Variants in SETDB2 observed in about 807,000 individuals in gnomAD.
The protein encoded by SETDB2 is histone-lysine N-methyltransferase SETDB2.
SETDB2 carries 56 observed loss-of-function variants against 82.5 expected under a neutral mutation model. The observed-to-expected ratio is 0.68, with a 90% confidence interval of 0.55 to 0.85. The LOEUF (loss-of-function observed/expected upper bound fraction) is 0.85. SETDB2 is among the 40% of genes least tolerant of loss of function. SETDB2 has a pLI of 0.00. For synonymous variants in SETDB2, 272 were observed against 284.9 expected (o/e 0.95, Z 0.46); for missense variants, 677 against 816.4 (o/e 0.83, Z 2.08).
chr13:49,466,029 T>A (rs1429855798), intron 4 of SETDB2, among the ~76,000 whole-genome samples: 1 of 152,192 alleles, frequency 6.6e-6, no homozygotes, highest in African/African-American at 2.4e-5. Flanking sequence ...AGATATTTGA[T>A]TGGCTACTGT....
At chr13:49,491,252 A>G (rs1958705742) in intron 13 of SETDB2, among the ~76,000 whole-genome samples, 2 of 152,200 alleles carry the variant, frequency 1.3e-5, no homozygotes, top group South Asian at 4.1e-4. Flanking sequence ...AGCCCCAAAT[A>G]TCTGGTACTG....
intron 12 of SETDB2, 54 bp downstream of exon 12, chr13:49,488,684 A>G (rs1164180586): frequency 2.1e-6 from 3 of 1,396,188 alleles, no homozygotes; most frequent in East Asian, 2.3e-5. Flanking sequence ...TTTCTATGCT[A>G]CTTAACAAAA....
chr13:49,473,806 G>C (rs1378924187), intron 5 of SETDB2, among the ~76,000 whole-genome samples: 1 of 151,944 alleles, frequency 6.6e-6, no homozygotes, highest in African/African-American at 2.4e-5. Context: ...AAGAAAATAG[G>C]GTGTTTTATC....
intron 4 of SETDB2, among the ~76,000 whole-genome samples, chr13:49,466,354 G>A (rs1319338113): frequency 6.6e-6 from 1 of 151,854 alleles, no homozygotes; most frequent in Non-Finnish European, 1.5e-5. Flanking sequence ...AGGGTAGCTT[G>A]AGCCTAGGAG....
chr13:49,490,456 A>G (rs1161928145), intron 12 of SETDB2, among the ~76,000 whole-genome samples: 2 of 152,210 alleles, frequency 1.3e-5, no homozygotes, highest in Non-Finnish European at 2.9e-5. Flanking sequence ...AACCTTTAGC[A>G]CTAAAAACAA....
intron 10 of SETDB2, among the ~76,000 whole-genome samples, chr13:49,484,409 A>G (rs543794881): frequency 2.6e-3 from 403 of 152,214 alleles, no homozygotes; most frequent in Middle Eastern, 0.01. Flanking sequence ...AGCTGGGATT[A>G]CAGGTGCCTG....
chr13:49,451,326 A>G (rs890663139), intron 1 of SETDB2, among the ~76,000 whole-genome samples: 57 of 151,192 alleles, frequency 3.8e-4, no homozygotes, highest in African/African-American at 1.3e-3. Flanking sequence ...AATATATTAA[A>G]TATGGGTGAT....
intron 1 of SETDB2, 44 bp downstream of exon 1, chr13:49,444,901 A>G (rs1957628419): frequency 6.6e-6 from 1 of 152,256 alleles, no homozygotes. Flanking sequence ...TCAGTCATTC[A>G]TCCAAGATCA....
At chr13:49,485,558 A>T in intron 10 of SETDB2, 72 bp from the exon 11 acceptor site, 1 of 1,170,134 alleles carries the variant, frequency 8.5e-7, no homozygotes. Context: ...TTGACACTTG[A>T]TGAAAGAGGC....
intron 1 of SETDB2, chr13:49,446,372 C>G (rs1379668685): frequency 2.2e-6 from 1 of 455,772 alleles, no homozygotes; most frequent in Non-Finnish European, 4.4e-6. Flanking sequence ...GATAAAAATT[C>G]TCCGTTCTTT....
chr13:49,471,411 C>T (rs17072965), intron 5 of SETDB2, among the ~76,000 whole-genome samples: 5,851 of 145,110 alleles, frequency 0.04, 411 homozygotes, highest in African/African-American at 0.14. Flanking sequence ...TTTTAGAAGT[C>T]TGAATTCCCT....
intron 4 of SETDB2, among the ~76,000 whole-genome samples, chr13:49,465,313 C>T (rs1476101916): frequency 6.6e-6 from 1 of 152,128 alleles, no homozygotes; most frequent in Non-Finnish European, 1.5e-5. Context: ...ATTTCCCTTT[C>T]CTCTTTTTTC....
chr13:49,470,574 A>G (rs7994115), intron 5 of SETDB2, among the ~76,000 whole-genome samples: 109,300 of 152,110 alleles, frequency 0.72, 39,510 homozygotes, highest in East Asian at 0.82. Context: ...TAGGCTGAGC[A>G]TGGTGGCTCA....
rs1037560505 is a variant in SETDB2, at chr13:49,450,362, G to A, written c.-341-1191G>A. Among the ~76,000 whole-genome samples, 5 of 152,002 alleles carry A rather than the reference G, an allele frequency of 3.3e-5. No homozygotes were observed. The South Asian group carries it at 1.0e-3, about 31-fold the overall frequency. On this transcript the variant is annotated intron_variant, in intron 1 of 13. Coordinates refer to ENST00000611815, the MANE Select transcript of SETDB2 (RefSeq NM_001160308.3). The stretch of plus-strand genomic sequence containing the variant: ...ACTAACTGGCTCTTCATGTTAGTCT[G>A]TTCTGTCATTCAGTCATCTATTGAG...
At chr13:49,471,934 A>ATATATATATATATATATTT (rs1378783393) in intron 5 of SETDB2, among the ~76,000 whole-genome samples, 2 of 119,280 alleles carry the variant, frequency 1.7e-5, no homozygotes, top group African/African-American at 7.2e-5. Context: ...ATATATATAT[A>ATATATATATATATATATTT]TTTTTTTTTT....
intron 5 of SETDB2, among the ~76,000 whole-genome samples, chr13:49,473,719 A>T (rs2138925941): frequency 6.6e-6 from 1 of 152,264 alleles, no homozygotes; most frequent in East Asian, 1.9e-4. Flanking sequence ...AAGTAACTTG[A>T]GAGTGAGTAA....
At chr13:49,470,659 G>A (rs1958210024) in intron 5 of SETDB2, among the ~76,000 whole-genome samples, 1 of 152,076 alleles carries the variant, frequency 6.6e-6, no homozygotes, top group Non-Finnish European at 1.5e-5. Flanking sequence ...ACTAGCCTGG[G>A]CAACATGGCA....
At chr13:49,466,305 C>T (rs1475772434) in intron 4 of SETDB2, among the ~76,000 whole-genome samples, 6 of 152,028 alleles carry the variant, frequency 3.9e-5, no homozygotes, top group African/African-American at 9.7e-5. Flanking sequence ...TGTGGAGTTG[C>T]ACACCTGTAG....
chr13:49,459,969 T>C, intron 2 of SETDB2, 138 bp from the exon 3 acceptor site: 1 of 744,586 alleles, frequency 1.3e-6, no homozygotes, highest in South Asian at 2.6e-5. Flanking sequence ...TACTAAAATA[T>C]TTTCCTCAAG....
Sources: gnomAD v4.1 joint callset for allele counts (sites outside exome capture counted in the v4.1 genomes callset) on GRCh38, gnomAD v4.1.1 for gene constraint, MANE v1.5 for transcripts, NCBI Gene and HGNC (gene_info 2026-07-23, HGNC 2026-07-21) for gene names.